PTPRD: variants seen among roughly 807,000 people sequenced by gnomAD.
PTPRD encodes the protein protein tyrosine phosphatase receptor type D, also known as receptor-type tyrosine-protein phosphatase delta.
In PTPRD, 34 loss-of-function variants were observed where a neutral mutation model predicts 214.5. The observed-to-expected ratio is 0.16, with a 90% CI of 0.12 to 0.21. The LOEUF is 0.21. Ranked by LOEUF, PTPRD falls within the 10% of genes least tolerant of loss-of-function variation. The pLI, the probability that PTPRD is intolerant of heterozygous loss-of-function variation, is 1.00. For synonymous variants in PTPRD, 1,128 were observed against 845.7 expected, an observed-to-expected ratio of 1.33 and a Z score of -5.79; for missense variants, 2,545 against 2,398.7, an observed-to-expected ratio of 1.06 and a Z score of -1.27.
chr9:9,702,059 G>C (rs2097515950), intron 7 of PTPRD, among the ~76,000 whole-genome samples: 1 of 152,110 alleles, frequency 6.6e-6, no homozygotes, highest in Non-Finnish European at 1.5e-5. Flanking sequence ...GGCAGAGGTT[G>C]CAGTGAGCCG....
chr9:9,766,270 T>C (rs1434129117), intron 6 of PTPRD, among the ~76,000 whole-genome samples: 2 of 152,314 alleles, frequency 1.3e-5, no homozygotes, highest in South Asian at 2.1e-4. Context: ...TAACAGGCAT[T>C]GTGTATTAAC....
chr9:8,531,036 C>T (rs12340211), intron 14 of PTPRD, among the ~76,000 whole-genome samples: 2 of 151,882 alleles, frequency 1.3e-5, no homozygotes, highest in African/African-American at 2.4e-5. Context: ...GGGTACTAAA[C>T]ACACTTATAA....
At chr9:9,374,382 T>C (rs2060260444) in intron 9 of PTPRD, among the ~76,000 whole-genome samples, 1 of 152,094 alleles carries the variant, frequency 6.6e-6, no homozygotes, top group Admixed American at 6.6e-5. Context: ...AAATTATATT[T>C]AAGGTGCTAT....
At chr9:8,570,522 A>G (rs945908994) in intron 14 of PTPRD, among the ~76,000 whole-genome samples, 2 of 152,204 alleles carry the variant, frequency 1.3e-5, no homozygotes, top group Non-Finnish European at 2.9e-5. Flanking sequence ...AAGTATGGTA[A>G]TAAATACACT....
At chr9:10,069,691 G>C (rs2097957846) in intron 3 of PTPRD, among the ~76,000 whole-genome samples, 1 of 151,900 alleles carries the variant, frequency 6.6e-6, no homozygotes, top group Non-Finnish European at 1.5e-5. Context: ...TTAAAAAGAA[G>C]TAGTGCATAT....
At chr9:9,131,836 G>GTTTTTTTTTTTTTTTTTTT (rs1244985703) in intron 10 of PTPRD, among the ~76,000 whole-genome samples, 1 of 152,100 alleles carries the variant, frequency 6.6e-6, no homozygotes, top group Non-Finnish European at 1.5e-5. Flanking sequence ...AGTAAAATAT[G>GTTTTTTTTTTTTTTTTTTT]TTTCTTAAAA....
chr9:10,034,539 T>C (rs1306793537), intron 3 of PTPRD, among the ~76,000 whole-genome samples: 1 of 151,318 alleles, frequency 6.6e-6, no homozygotes, highest in Non-Finnish European at 1.5e-5. Context: ...AAGCCTAATA[T>C]CCATTAGTTA....
chr9:9,882,789 C>G (rs770748672), intron 5 of PTPRD, among the ~76,000 whole-genome samples: 2 of 151,990 alleles, frequency 1.3e-5, no homozygotes, highest in Admixed American at 6.6e-5. Flanking sequence ...CTCCAAATCT[C>G]ATGTTGAAAT....
intron 29 of PTPRD, 105 bp downstream of exon 29, chr9:8,485,122 C>G (rs1032360696): frequency 4.4e-5 from 38 of 854,392 alleles, no homozygotes; most frequent in Non-Finnish European, 6.3e-5. Context: ...AGCAAGGACA[C>G]GTGGCCAAAA....
At chr9:9,828,713 G>T (rs1047478591) in intron 5 of PTPRD, among the ~76,000 whole-genome samples, 14 of 150,454 alleles carry the variant, frequency 9.3e-5, no homozygotes, top group East Asian at 7.8e-4. Context: ...ACCTAAGCAG[G>T]ATTTTTTTTT....
intron 33 of PTPRD, among the ~76,000 whole-genome samples, chr9:8,456,730 T>C (rs547462449): frequency 1.3e-5 from 2 of 152,192 alleles, no homozygotes; most frequent in South Asian, 2.1e-4. Flanking sequence ...ATCTAGCTCA[T>C]GGTTTCCACA....
chr9:8,950,742 A>G (rs1251207685), intron 11 of PTPRD, among the ~76,000 whole-genome samples: 1 of 151,798 alleles, frequency 6.6e-6, no homozygotes, highest in African/African-American at 2.4e-5. Context: ...AAAGAATCTA[A>G]GAGCGATTCC....
At chr9:8,318,083 A>G (rs1352183507) in intron 45 of PTPRD, 141 bp from the exon 46 acceptor site, 5 of 689,330 alleles carry the variant, frequency 7.3e-6, no homozygotes, top group Non-Finnish European at 1.2e-5. Context: ...GTCTAATCCA[A>G]TGACCAATTG....
At chr9:10,085,733 G>A (rs545647082) in intron 3 of PTPRD, among the ~76,000 whole-genome samples, 5 of 151,770 alleles carry the variant, frequency 3.3e-5, no homozygotes, top group East Asian at 2.0e-4. Context: ...ATGGCTATTT[G>A]CTTAGCAACA....
intron 30 of PTPRD, among the ~76,000 whole-genome samples, chr9:8,478,003 T>G (rs1358868750): frequency 6.6e-6 from 1 of 152,164 alleles, no homozygotes; most frequent in Non-Finnish European, 1.5e-5. Context: ...CCTGTGAGGA[T>G]TACATCAGTT....
chr9:10,574,918 G>A (rs2068717401), intron 2 of PTPRD, among the ~76,000 whole-genome samples: 1 of 150,988 alleles, frequency 6.6e-6, no homozygotes. Context: ...AAGAATTTAA[G>A]AAGACTTTCT....
At chr9:9,247,266 C>A (rs1319715130) in intron 9 of PTPRD, among the ~76,000 whole-genome samples, 1 of 152,000 alleles carries the variant, frequency 6.6e-6, no homozygotes, top group Non-Finnish European at 1.5e-5. Context: ...CACAGACAAG[C>A]CTTTCTGGGT....
chr9:8,755,224 AAAAAAAAAC>A (rs1598810961), intron 11 of PTPRD, among the ~76,000 whole-genome samples: 2 of 149,900 alleles, frequency 1.3e-5, no homozygotes, highest in Non-Finnish European at 2.9e-5. Context: ...TTATTAAAAA[AAAAAAAAAC>A]AAAAAAAACA....
chr9:8,932,013 C>A (rs2098956310), intron 11 of PTPRD, among the ~76,000 whole-genome samples: 1 of 152,072 alleles, frequency 6.6e-6, no homozygotes, highest in East Asian at 1.9e-4. Flanking sequence ...GTGATATCTC[C>A]TTTATAATTT....
Sources: gnomAD v4.1 joint callset for allele counts (sites outside exome capture counted in the v4.1 genomes callset) on GRCh38, gnomAD v4.1.1 for gene constraint, MANE v1.5 for transcripts, NCBI Gene and HGNC (gene_info 2026-07-23, HGNC 2026-07-21) for gene names.